The following AGBL1 variants were observed in gnomAD, a reference collection of about 807,000 sequenced individuals.
The protein encoded by AGBL1 is AGBL carboxypeptidase 1.
In AGBL1, 130 loss-of-function variants were observed where a neutral mutation model predicts 118.9. The observed-to-expected ratio is 1.09, with a 90% CI of 0.95 to 1.26. AGBL1 has a LOEUF of 1.26. Ranked by LOEUF, AGBL1 falls within the 50% of genes most tolerant of loss-of-function variation. The pLI is 0.00. For missense variants in AGBL1, 1,584 were observed against 1,298.1 expected, an observed-to-expected ratio of 1.22 and a Z score of -3.38; for synonymous variants, 555 against 478.9, an observed-to-expected ratio of 1.16 and a Z score of -2.08.
In AGBL1 at chr15:86,402,187, G is replaced by GTTATTTATTTAT. The variant is rs58824729; in HGVS notation, c.2555+4660_2555+4671dup. Among the ~76,000 whole-genome samples, 519 of 151,338 alleles carry GTTATTTATTTAT rather than the reference G, an allele frequency of 3.4e-3. 3 individuals are homozygous for GTTATTTATTTAT. The highest frequency in any genetic ancestry group is 0.01 in the African/African-American group (417 of 41,122). The stretch of plus-strand genomic sequence containing the variant: ...CCTCCTTGGTTAAGTGTATTTCTAG[G>GTTATTTATTTAT]TTATTTATTTATTTATTTATTTATT... On this transcript the variant is annotated intron_variant, in intron 18 of 22. Coordinates refer to ENST00000614907, the MANE Select transcript of AGBL1 (RefSeq NM_001386094.1).
At chr15:86,886,365 G>T (rs1020784045) in intron 22 of AGBL1, among the ~76,000 whole-genome samples, 1 of 152,184 alleles carries the variant, frequency 6.6e-6, no homozygotes, top group African/African-American at 2.4e-5. Context: ...ACAGTTTAAG[G>T]TATGAATTCT....
At chr15:86,541,842 A>G (rs1025821699) in intron 19 of AGBL1, among the ~76,000 whole-genome samples, 2 of 152,156 alleles carry the variant, frequency 1.3e-5, no homozygotes, top group African/African-American at 4.8e-5. Flanking sequence ...TCCTAACTAG[A>G]ATCAAATATC....
rs375604559 is a variant in AGBL1, at chr15:86,374,473, G to A, written c.2375-22893G>A. Reference sequence around the variant, plus strand: ...TTCTTTGGGGCATGTGACTTGTCTTGTGTATACACTGCTGGTGATGGATCA... The same window carrying A: ...TTCTTTGGGGCATGTGACTTGTCTTATGTATACACTGCTGGTGATGGATCA... On this transcript the variant is annotated intron_variant, in intron 17 of 22. Transcript: ENST00000614907. Among the ~76,000 whole-genome samples the A allele has an allele frequency of 2.7e-3, 411 of 152,318 alleles. 1 individual carries two copies. The highest frequency in any genetic ancestry group is 9.4e-3 in the African/African-American group (391 of 41,576).
chr15:86,720,083 G>A (rs558655698), intron 22 of AGBL1, among the ~76,000 whole-genome samples: 73 of 152,298 alleles, frequency 4.8e-4, no homozygotes, highest in Non-Finnish European at 9.1e-4. Flanking sequence ...TAAATGACAA[G>A]TATATACAGA....
At chr15:86,447,452 A>G (rs79070011) in intron 18 of AGBL1, among the ~76,000 whole-genome samples, 6,858 of 152,288 alleles carry the variant, frequency 0.045, 204 homozygotes, top group South Asian at 0.096. Flanking sequence ...GAGAGATGGA[A>G]AGAAACTGGA....
chr15:86,196,484 G>T (rs1197102402), intron 5 of AGBL1, among the ~76,000 whole-genome samples: 1 of 152,178 alleles, frequency 6.6e-6, no homozygotes, highest in African/African-American at 2.4e-5. Flanking sequence ...TCTTTGGACA[G>T]AATTGGGTAT....
At chr15:86,739,397 C>T (rs548043846) in intron 22 of AGBL1, among the ~76,000 whole-genome samples, 1 of 128,162 alleles carries the variant, frequency 7.8e-6, no homozygotes, top group Non-Finnish European at 1.5e-5. Flanking sequence ...GAGCCAAGAT[C>T]GTGCCATTGC....
At chr15:86,491,872 G>T (rs947356548) in intron 18 of AGBL1, among the ~76,000 whole-genome samples, 2 of 151,614 alleles carry the variant, frequency 1.3e-5, no homozygotes, top group Non-Finnish European at 2.9e-5. Context: ...GGGGTGGGGG[G>T]CGTGGAGCAT....
At chr15:86,584,710 T>A (rs551046504) in intron 21 of AGBL1, among the ~76,000 whole-genome samples, 29 of 152,290 alleles carry the variant, frequency 1.9e-4, no homozygotes, top group African/African-American at 6.7e-4. Flanking sequence ...TTTTTCTAGC[T>A]CTGTGAAAAA....
intron 18 of AGBL1, among the ~76,000 whole-genome samples, chr15:86,510,050 T>C (rs1188661484): frequency 6.6e-6 from 1 of 151,976 alleles, no homozygotes; most frequent in African/African-American, 2.4e-5. Context: ...AGATGACTCT[T>C]GACATTCTTT....
At chr15:86,486,574 C>G (rs574285082) in intron 18 of AGBL1, among the ~76,000 whole-genome samples, 4 of 152,172 alleles carry the variant, frequency 2.6e-5, no homozygotes, top group Non-Finnish European at 4.4e-5. Context: ...AGGCAAGCAA[C>G]AGCTGCATGA....
chr15:87,024,035 A>T (rs538422372), intron 24 of AGBL1, among the ~76,000 whole-genome samples: 5 of 152,084 alleles, frequency 3.3e-5, no homozygotes, highest in Non-Finnish European at 7.4e-5. Context: ...AAAGTCTAAA[A>T]GAGCACAAAC....
At chr15:86,680,566 T>TG (rs2085935474) in intron 22 of AGBL1, among the ~76,000 whole-genome samples, 4 of 28,700 alleles carry the variant, frequency 1.4e-4, no homozygotes, top group Non-Finnish European at 2.6e-4. Context: ...CTTTCTTTTC[T>TG]TTTTTTTTTT....
chr15:86,909,821 T>A lies in AGBL1; in HGVS notation c.*2527T>A. The A allele has an allele frequency of 1.3e-5, 2 of 152,188 alleles. No homozygotes were observed. Among genetic ancestry groups the A allele is most frequent in the East Asian group, 3.8e-4 (2 of 5,196 alleles). 9.4% of individuals were successfully genotyped at this position (152,188 alleles called of 1,614,324 possible). A position where few individuals can be genotyped will look rare whatever the true frequency, so the allele number is the denominator to read the frequency against. On this transcript the variant is annotated 3_prime_UTR_variant, in exon 23 of 23. Transcript: ENST00000614907. ...AATTATTATTTCAGCCCAAATTAGTTTTGGGGGTTAGCTTCTGGTCATGAG... is the reference window on the plus strand; with the variant it reads ...AATTATTATTTCAGCCCAAATTAGTATTGGGGGTTAGCTTCTGGTCATGAG...
chr15:86,593,296 ATT>A (rs35818219), intron 21 of AGBL1, among the ~76,000 whole-genome samples: 1 of 145,798 alleles, frequency 6.9e-6, no homozygotes, highest in Non-Finnish European at 1.5e-5. Flanking sequence ...GGAACCTTAG[ATT>A]TTTTTTTTTT....
intron 22 of AGBL1, among the ~76,000 whole-genome samples, chr15:86,860,173 T>C (rs2079541622): frequency 6.6e-6 from 1 of 152,108 alleles, no homozygotes; most frequent in Non-Finnish European, 1.5e-5. Flanking sequence ...TCTCTGAGCC[T>C]CAGTTTTGTA....
chr15:86,837,738 G>A (rs868066168), intron 22 of AGBL1, among the ~76,000 whole-genome samples: 2 of 152,204 alleles, frequency 1.3e-5, no homozygotes, highest in African/African-American at 4.8e-5. Context: ...GACCAAATTA[G>A]AAGTGTATCC....
intron 22 of AGBL1, among the ~76,000 whole-genome samples, chr15:86,753,415 T>TTTTTTTTTC (rs35941815): frequency 7.2e-6 from 1 of 139,748 alleles, no homozygotes; most frequent in African/African-American, 2.6e-5. Flanking sequence ...TTTTTTTTTT[T>TTTTTTTTTC]GAGACAGAGT....
At chr15:86,619,978 T>C (rs2084781639) in intron 21 of AGBL1, among the ~76,000 whole-genome samples, 1 of 152,324 alleles carries the variant, frequency 6.6e-6, no homozygotes, top group East Asian at 1.9e-4. Flanking sequence ...CAGTCTTTCC[T>C]GCTGATGGGC....
Sources: allele counts gnomAD v4.1 joint callset (sites outside exome capture counted in the v4.1 genomes callset), GRCh38; gene constraint gnomAD v4.1.1; transcripts MANE v1.5; gene names NCBI Gene and HGNC (gene_info 2026-07-23, HGNC 2026-07-21).